The following DAPK2 variants were observed in gnomAD, a reference collection of about 807,000 sequenced individuals.
The protein encoded by DAPK2 is death-associated protein kinase 2.
In DAPK2, 35 loss-of-function variants were observed where a neutral mutation model predicts 44.1. That is an observed-to-expected ratio of 0.79 (90% confidence interval 0.61 to 1.05). The LOEUF is 1.05. Ranked by LOEUF, DAPK2 falls within the 50% of genes least tolerant of loss-of-function variation. The pLI is 0.00. For synonymous variants in DAPK2, 174 were observed against 182.6 expected, an observed-to-expected ratio of 0.95 and a Z score of 0.38; for missense variants, 453 against 483.2, an observed-to-expected ratio of 0.94 and a Z score of 0.59.
chr15:63,998,389 A>G (rs1184607406), intron 1 of DAPK2, among the ~76,000 whole-genome samples: 1 of 152,166 alleles, frequency 6.6e-6, no homozygotes, highest in African/African-American at 2.4e-5. Context: ...GGGAGAAGCC[A>G]GGTTGTGTCT....
chr15:63,925,801 C>A, intron 7 of DAPK2, 140 bp downstream of exon 8: 1 of 1,090,882 alleles, frequency 9.2e-7, no homozygotes, highest in Non-Finnish European at 1.3e-6. Context: ...CTAGGCCACA[C>A]TTTCCAGCAC....
chr15:63,945,917 T>G (rs1324296276), intron 3 of DAPK2, among the ~76,000 whole-genome samples: 2 of 152,246 alleles, frequency 1.3e-5, no homozygotes, highest in African/African-American at 2.4e-5. Flanking sequence ...AACCACACAC[T>G]GCTGGGTCCA....
intron 3 of DAPK2, among the ~76,000 whole-genome samples, chr15:63,963,974 C>T (rs1315283909): frequency 1.3e-5 from 2 of 152,292 alleles, no homozygotes; most frequent in Middle Eastern, 3.4e-3. Flanking sequence ...ACTCAAGATA[C>T]AAGTAGTTTA....
At chr15:63,981,266 T>C (rs1409409170) in intron 2 of DAPK2, among the ~76,000 whole-genome samples, 1 of 152,122 alleles carries the variant, frequency 6.6e-6, no homozygotes, top group Non-Finnish European at 1.5e-5. Flanking sequence ...TGGGCTGCCT[T>C]GGGGGACTCT....
chr15:63,929,534 G>A lies in DAPK2; in HGVS notation c.659+17C>T. 1.2e-6 allele frequency: 2 copies of A among 1,613,710 alleles called. No homozygotes were observed. The highest frequency in any genetic ancestry group is 1.7e-6 in the Non-Finnish European group (2 of 1,179,966). Reference sequence around the variant, plus strand: ...AGATCTAAGCTGAGCCAGAGCCCCTGGATCAGGGATACTCACAGGATGTAG... The same window carrying A: ...AGATCTAAGCTGAGCCAGAGCCCCTAGATCAGGGATACTCACAGGATGTAG... On this transcript the variant is annotated intron_variant, in intron 6 of 10. Transcript: ENST00000261891.
At chr15:63,962,327 G>A (rs1199940876) in intron 3 of DAPK2, among the ~76,000 whole-genome samples, 3 of 152,116 alleles carry the variant, frequency 2.0e-5, no homozygotes, top group East Asian at 1.9e-4. Flanking sequence ...ATTACCGATC[G>A]TCTGAAGCCT....
At chr15:64,022,441 TCACCCAATAGACAA>T (rs2079711374) in intron 1 of DAPK2, among the ~76,000 whole-genome samples, 1 of 152,210 alleles carries the variant, frequency 6.6e-6, no homozygotes, top group African/African-American at 2.4e-5. Flanking sequence ...ATTCTTCACT[TCACCCAATAGACAA>T]GTTCCCTTGT....
At chr15:63,940,767 C>T (rs1259440193) in intron 3 of DAPK2, among the ~76,000 whole-genome samples, 2 of 151,862 alleles carry the variant, frequency 1.3e-5, no homozygotes, top group East Asian at 3.9e-4. Flanking sequence ...GAATGAAGTA[C>T]TGATACCTGC....
chr15:63,958,836 G>A (rs1286328398), intron 3 of DAPK2, among the ~76,000 whole-genome samples: 1 of 152,182 alleles, frequency 6.6e-6, no homozygotes, highest in Non-Finnish European at 1.5e-5. Flanking sequence ...TGACAATGTG[G>A]GGTCTTTTTT....
chr15:63,951,872 G>A lies in DAPK2; in HGVS notation c.454-12511C>T, dbSNP rs2077597379. On this transcript the variant is annotated intron_variant, in intron 3 of 10. Transcript: ENST00000261891. ...CATTCACCCATTCACTCATTTGTTC[G>A]ACACTGAGGAACTCAGCATGTGTTG... 2.0e-5 allele frequency among the ~76,000 whole-genome samples: 3 copies of A among 152,150 alleles called. No homozygotes were observed. The South Asian group carries it at 6.2e-4, about 32-fold the overall frequency.
intron 2 of DAPK2, among the ~76,000 whole-genome samples, chr15:63,977,341 T>C (rs998078177): frequency 2.0e-5 from 3 of 152,108 alleles, no homozygotes; most frequent in African/African-American, 7.2e-5. Context: ...GGGCAGGTGC[T>C]GGAAGCTGGA....
intron 10 of DAPK2, chr15:63,909,714 A>G (rs1045158197): frequency 2.6e-5 from 4 of 152,188 alleles, no homozygotes; most frequent in African/African-American, 9.7e-5. Flanking sequence ...AGGCAGGAGA[A>G]TCTCTTGAAC....
At chr15:63,922,825 G>A in intron 8 of DAPK2, 2 of 1,535,866 alleles carry the variant, frequency 1.3e-6, no homozygotes, top group East Asian at 2.4e-5. Flanking sequence ...AGAATGTGGA[G>A]CCCAGGCCCT....
At chr15:63,984,401 G>C (rs1426748715) in intron 1 of DAPK2, among the ~76,000 whole-genome samples, 1 of 152,172 alleles carries the variant, frequency 6.6e-6, no homozygotes, top group Non-Finnish European at 1.5e-5. Flanking sequence ...TCAGGCACTA[G>C]TACCCAGGGC....
chr15:63,926,338 A>G (rs2079265576), intron 6 of DAPK2: 5 of 416,738 alleles, frequency 1.2e-5, no homozygotes, highest in Admixed American at 8.3e-5. Flanking sequence ...TCAAAAGCGG[A>G]GGGGAGAGAA....
At chr15:64,014,198 C>T (rs927321350) in intron 1 of DAPK2, among the ~76,000 whole-genome samples, 18 of 152,316 alleles carry the variant, frequency 1.2e-4, no homozygotes, top group Admixed American at 5.2e-4. Context: ...AGGAATACTA[C>T]CTGCGGAGGC....
At chr15:63,963,960 T>G (rs1039430936) in intron 3 of DAPK2, among the ~76,000 whole-genome samples, 1 of 152,250 alleles carries the variant, frequency 6.6e-6, no homozygotes, top group Non-Finnish European at 1.5e-5. Context: ...CATTTAGTCT[T>G]TCTACTCAAG....
chr15:63,925,641 G>A (rs2079223370), intron 7 of DAPK2, among the ~76,000 whole-genome samples: 3 of 145,992 alleles, frequency 2.1e-5, no homozygotes, highest in Non-Finnish European at 3.0e-5. Context: ...ACTGCACAAG[G>A]TAATGAGCCC....
In DAPK2 at chr15:64,008,813, T is replaced by A. The variant is rs148691568; in HGVS notation, c.93-25059A>T. Reference sequence around the variant, plus strand: ...AAGTAAGAAAATGAGAAGAAACACCTGCATAGACATCCCTAACCAACAGAG... The same window carrying A: ...AAGTAAGAAAATGAGAAGAAACACCAGCATAGACATCCCTAACCAACAGAG... On this transcript the variant is annotated intron_variant, in intron 1 of 10. Coordinates refer to ENST00000261891, the Ensembl canonical transcript of DAPK2. 2.1e-3 allele frequency among the ~76,000 whole-genome samples: 319 copies of A among 152,300 alleles called. 6 individuals carry two copies. Among genetic ancestry groups the A allele is most frequent in the African/African-American group, 7.2e-3 (299 of 41,570 alleles).
Sources: gnomAD v4.1 joint callset for allele counts (sites outside exome capture counted in the v4.1 genomes callset) on GRCh38, gnomAD v4.1.1 for gene constraint, MANE v1.5 for transcripts, NCBI Gene and HGNC (gene_info 2026-07-23, HGNC 2026-07-21) for gene names.